The following MDGA2 variants were observed in gnomAD, a reference collection of about 807,000 sequenced individuals.
MDGA2 encodes MAM domain containing glycosylphosphatidylinositol anchor 2.
In MDGA2, 40 loss-of-function variants were observed where a neutral mutation model predicts 117.8. The ratio of observed to expected loss-of-function variants is 0.34; its 90% CI spans 0.26 to 0.44. The LOEUF is 0.44. Among genes scored for constraint, MDGA2 ranks in the 20% least tolerant of loss-of-function variants. The pLI, the probability that MDGA2 is intolerant of heterozygous loss-of-function variation, is 1.00. For missense variants in MDGA2, 1,123 were observed against 1,250.6 expected (o/e 0.90, Z 1.54); for synonymous variants, 452 against 439.0 (o/e 1.03, Z -0.37).
intron 2 of MDGA2, among the ~76,000 whole-genome samples, chr14:47,272,660 T>C (rs1039468499): frequency 1.3e-5 from 2 of 152,200 alleles, no homozygotes; most frequent in Non-Finnish European, 2.9e-5. Context: ...AATTTGACTA[T>C]AGAAATATCT....
chr14:47,286,837 G>GTATATATA (rs1340766807), intron 2 of MDGA2, among the ~76,000 whole-genome samples: 1 of 97,960 alleles, frequency 1.0e-5, no homozygotes, highest in African/African-American at 4.1e-5. Flanking sequence ...ATATATATAT[G>GTATATATA]TATATATATA....
chr14:47,596,394 A>G (rs572095078), intron 1 of MDGA2, among the ~76,000 whole-genome samples: 1 of 151,930 alleles, frequency 6.6e-6, no homozygotes, highest in South Asian at 2.1e-4. Context: ...AGCATTTCTG[A>G]CTCATTCTGG....
intron 11 of MDGA2, among the ~76,000 whole-genome samples, chr14:46,879,935 G>C (rs775965564): frequency 6.6e-6 from 1 of 152,060 alleles, no homozygotes; most frequent in African/African-American, 2.4e-5. Context: ...CCCTTAAGCA[G>C]GAAACGTATA....
chr14:46,875,804 G>A (rs2138371957), intron 12 of MDGA2, among the ~76,000 whole-genome samples: 1 of 151,676 alleles, frequency 6.6e-6, no homozygotes, highest in Middle Eastern at 3.4e-3. Context: ...ACAAAAAAGA[G>A]TCACAGAACA....
intron 3 of MDGA2, among the ~76,000 whole-genome samples, chr14:47,201,894 G>A (rs1885521764): frequency 6.6e-6 from 1 of 151,964 alleles, no homozygotes; most frequent in Admixed American, 6.6e-5. Flanking sequence ...AATGTATTAG[G>A]TGAAATCCTA....
intron 3 of MDGA2, among the ~76,000 whole-genome samples, chr14:47,182,452 G>C (rs1421134135): frequency 6.6e-6 from 1 of 152,094 alleles, no homozygotes; most frequent in Non-Finnish European, 1.5e-5. Flanking sequence ...AGAAGAGGAA[G>C]AGACACTAGG....
intron 1 of MDGA2, among the ~76,000 whole-genome samples, chr14:47,465,567 G>A (rs1800568273): frequency 6.6e-6 from 1 of 151,894 alleles, no homozygotes. Flanking sequence ...TGGCCAAGAA[G>A]CATATGAAAA....
At chr14:47,134,777 CTATA>C (rs146851138) in intron 4 of MDGA2, among the ~76,000 whole-genome samples, 3 of 145,898 alleles carry the variant, frequency 2.1e-5, no homozygotes, top group Admixed American at 6.9e-5. Context: ...CACACACACA[CTATA>C]TATATATATA....
At chr14:47,591,716 TC>T (rs1208724825) in intron 1 of MDGA2, among the ~76,000 whole-genome samples, 2 of 152,102 alleles carry the variant, frequency 1.3e-5, no homozygotes, top group African/African-American at 4.8e-5. Flanking sequence ...GAAAGAGCCT[TC>T]AATAAAATTC....
intron 3 of MDGA2, among the ~76,000 whole-genome samples, chr14:47,173,903 A>G (rs1353707901): frequency 2.0e-5 from 3 of 152,300 alleles, no homozygotes; most frequent in African/African-American, 7.2e-5. Context: ...CAGGAAATCC[A>G]GCTCATGCGC....
intron 1 of MDGA2, among the ~76,000 whole-genome samples, chr14:47,383,222 G>C (rs1891676866): frequency 6.6e-6 from 1 of 152,110 alleles, no homozygotes; most frequent in Non-Finnish European, 1.5e-5. Flanking sequence ...GGGAGGGATA[G>C]CATTAGGAGA....
intron 9 of MDGA2, among the ~76,000 whole-genome samples, chr14:46,929,518 G>T (rs1471225180): frequency 6.9e-6 from 1 of 144,770 alleles, no homozygotes; most frequent in Non-Finnish European, 1.5e-5. Context: ...TGATTTATGT[G>T]ATCTGGTTTT....
intron 1 of MDGA2, among the ~76,000 whole-genome samples, chr14:47,649,061 G>A (rs940204683): frequency 6.6e-6 from 1 of 152,074 alleles, no homozygotes; most frequent in African/African-American, 2.4e-5. Flanking sequence ...ATTTTTAAAT[G>A]TCTAAAATTC....
chr14:47,310,655 C>CT (rs1485217409), intron 1 of MDGA2, among the ~76,000 whole-genome samples: 5 of 151,846 alleles, frequency 3.3e-5, no homozygotes, highest in Non-Finnish European at 7.4e-5. Flanking sequence ...CCTGAATTGT[C>CT]TCCCACTAAA....
At chr14:47,217,201 T>A (rs1446450696) in intron 3 of MDGA2, among the ~76,000 whole-genome samples, 1 of 151,782 alleles carries the variant, frequency 6.6e-6, no homozygotes, top group Non-Finnish European at 1.5e-5. Context: ...AAAAACAACA[T>A]CTCTCAGTTG....
At chr14:47,415,950 C>T (rs527580645) in intron 1 of MDGA2, among the ~76,000 whole-genome samples, 1 of 152,126 alleles carries the variant, frequency 6.6e-6, no homozygotes, top group Non-Finnish European at 1.5e-5. Context: ...AATACTATCA[C>T]CTTCATGTTT....
intron 1 of MDGA2, among the ~76,000 whole-genome samples, chr14:47,668,443 G>A (rs1481524695): frequency 6.6e-6 from 1 of 152,074 alleles, no homozygotes; most frequent in Non-Finnish European, 1.5e-5. Flanking sequence ...CTGACATAAT[G>A]GTAAAATCAC....
At chr14:47,307,038 G>A (rs1889475198) in intron 1 of MDGA2, among the ~76,000 whole-genome samples, 2 of 152,100 alleles carry the variant, frequency 1.3e-5, no homozygotes, top group South Asian at 2.1e-4. Flanking sequence ...TGATTTAAGT[G>A]ATCATACGCT....
chr14:47,474,167 T>C (rs113771927), intron 1 of MDGA2, among the ~76,000 whole-genome samples: 150 of 152,204 alleles, frequency 9.9e-4, no homozygotes, highest in African/African-American at 3.3e-3. Context: ...CAAAAATCAC[T>C]AGCATTCCTA....
Sources: allele counts gnomAD v4.1 joint callset (sites outside exome capture counted in the v4.1 genomes callset), GRCh38; gene constraint gnomAD v4.1.1; transcripts MANE v1.5; gene names NCBI Gene and HGNC (gene_info 2026-07-23, HGNC 2026-07-21).